The following ELAPOR1 variants were observed in gnomAD, a reference collection of about 807,000 sequenced individuals.
ELAPOR1 encodes endosome-lysosome associated apoptosis and autophagy regulator 1, also known as endosome/lysosome-associated apoptosis and autophagy regulator 1.
ELAPOR1 carries 77 observed loss-of-function variants against 119.7 expected under a neutral mutation model. That is an observed-to-expected ratio of 0.64 (90% CI 0.54 to 0.78). The LOEUF is 0.78. Ranked by LOEUF, ELAPOR1 falls within the 30% of genes least tolerant of loss-of-function variation. The pLI is 0.00. For synonymous variants in ELAPOR1, 481 were observed against 487.2 expected, an observed-to-expected ratio of 0.99 and a Z score of 0.17; for missense variants, 1,115 against 1,270.4, an observed-to-expected ratio of 0.88 and a Z score of 1.86.
At chr1:109,146,472 G>A (rs1221848324) in intron 1 of ELAPOR1, among the ~76,000 whole-genome samples, 2 of 152,032 alleles carry the variant, frequency 1.3e-5, no homozygotes, top group Admixed American at 1.3e-4. Context: ...TACTTCTGCT[G>A]TACTTTGCCT....
At chr1:109,153,470 A>C (rs971822422) in intron 1 of ELAPOR1, among the ~76,000 whole-genome samples, 1 of 152,220 alleles carries the variant, frequency 6.6e-6, no homozygotes, top group African/African-American at 2.4e-5. Context: ...TTTGACCTAA[A>C]ATTAAATGGA....
intron 15 of ELAPOR1, among the ~76,000 whole-genome samples, chr1:109,196,704 G>A (rs529566727): frequency 6.8e-6 from 1 of 147,220 alleles, no homozygotes; most frequent in African/African-American, 2.5e-5. Context: ...TTTTTTTTGA[G>A]GTGGAGTCTC....
intron 15 of ELAPOR1, among the ~76,000 whole-genome samples, chr1:109,195,799 C>G (rs1653760195): frequency 6.6e-6 from 1 of 152,200 alleles, no homozygotes; most frequent in Non-Finnish European, 1.5e-5. Flanking sequence ...AAAGGTTAAT[C>G]CCACCACTGC....
intron 5 of ELAPOR1, 92 bp downstream of exon 5, chr1:109,172,660 C>A: frequency 1.2e-6 from 1 of 862,596 alleles, no homozygotes; most frequent in Non-Finnish European, 1.9e-6. Context: ...TGAGCCTCCA[C>A]CCCAATGTCC....
chr1:109,138,790 C>T (rs955723626), intron 1 of ELAPOR1, among the ~76,000 whole-genome samples: 7 of 141,100 alleles, frequency 5.0e-5, no homozygotes, highest in Non-Finnish European at 7.5e-5. Flanking sequence ...GCCGAGATCA[C>T]GCCATTGCAC....
At position 109,192,793 on chromosome 1, in the gene ELAPOR1, C is replaced by G; in HGVS notation, c.1866C>G (p.Pro622=). The change falls in exon 14 of 22, where the codon CCC becomes CCG. Residue 622 remains proline, a synonymous_variant. Coordinates refer to ENST00000369939, the MANE Select transcript of ELAPOR1 (RefSeq NM_020775.5). ...ATTCAGGAACCTGCCACTCCTGCCC[C>G]ACTAACACAATTCTGAAAGCCCACC... is the stretch of plus-strand genomic sequence containing the variant. ...DRDSGTCHSC[P]TNTILKAHQP... is the part of the protein sequence containing the mutation. 6.2e-7 allele frequency: 1 copy of G among 1,614,048 alleles called. No homozygotes were observed. The highest frequency in any genetic ancestry group is 8.5e-7 in the Non-Finnish European group (1 of 1,179,994).
intron 1 of ELAPOR1, among the ~76,000 whole-genome samples, chr1:109,149,841 AG>A (rs1650420551): frequency 6.6e-6 from 1 of 152,136 alleles, no homozygotes; most frequent in African/African-American, 2.4e-5. Context: ...GATCGTTGAG[AG>A]GGGGGAGCCA....
chr1:109,188,001 G>T (rs1653161747), intron 8 of ELAPOR1, 176 bp from the exon 9 acceptor site: 1 of 1,368,242 alleles, frequency 7.3e-7, no homozygotes, highest in East Asian at 2.6e-5. Flanking sequence ...CATGACTCAG[G>T]CACTGGGCTA....
At chr1:109,189,970 GA>G (rs916859211) in intron 11 of ELAPOR1, among the ~76,000 whole-genome samples, 3 of 151,516 alleles carry the variant, frequency 2.0e-5, no homozygotes, top group East Asian at 1.9e-4. Context: ...CTTAAGATTA[GA>G]AAAAAAATAA....
chr1:109,198,129 T>A, intron 17 of ELAPOR1, 54 bp downstream of exon 17: 1 of 1,374,306 alleles, frequency 7.3e-7, no homozygotes, highest in East Asian at 2.3e-5. Context: ...CCTCCATAAT[T>A]TCTGCTGCAT....
At chr1:109,137,519 A>ATTTAT (rs537238997) in intron 1 of ELAPOR1, among the ~76,000 whole-genome samples, 1,451 of 135,692 alleles carry the variant, frequency 0.011, 10 homozygotes, top group Middle Eastern at 0.023. Context: ...TTATTTATTT[A>ATTTAT]TTTATTTTAT....
intron 3 of ELAPOR1, among the ~76,000 whole-genome samples, 174 bp from the exon 4 acceptor site, chr1:109,171,692 T>C (rs920113379): frequency 3.3e-5 from 5 of 152,226 alleles, no homozygotes; most frequent in Non-Finnish European, 7.3e-5. Context: ...GTCCTTGACC[T>C]ACCTGAGAGC....
intron 1 of ELAPOR1, among the ~76,000 whole-genome samples, chr1:109,146,462 T>C (rs528136824): frequency 2.0e-5 from 3 of 152,326 alleles, no homozygotes; most frequent in African/African-American, 7.2e-5. Flanking sequence ...CACTTAGTGT[T>C]ACTTCTGCTG....
chr1:109,164,739 G>GGGT, intron 3 of ELAPOR1, 48 bp downstream of exon 3: 1 of 1,546,480 alleles, frequency 6.5e-7, no homozygotes, highest in South Asian at 1.2e-5. Flanking sequence ...CTGGGTAAGG[G>GGGT]GCTACAGGGC....
At chr1:109,201,622 T>C (rs1376449930) in intron 21 of ELAPOR1, among the ~76,000 whole-genome samples, 1 of 151,808 alleles carries the variant, frequency 6.6e-6, no homozygotes, top group East Asian at 1.9e-4. Context: ...TATTGGGAGG[T>C]GGTGAAGAAA....
chr1:109,147,417 A>T (rs1424721881), intron 1 of ELAPOR1, among the ~76,000 whole-genome samples: 1 of 152,204 alleles, frequency 6.6e-6, no homozygotes, highest in Non-Finnish European at 1.5e-5. Flanking sequence ...CAGCAGAAGG[A>T]TCATTGATTG....
intron 21 of ELAPOR1, chr1:109,201,372 C>T (rs1184898777): frequency 2.2e-6 from 1 of 456,144 alleles, no homozygotes; most frequent in Admixed American, 2.3e-5. Flanking sequence ...TCAGCTGTTC[C>T]CCACTGAGCA....
chr1:109,199,188 A>G (rs1484802406), intron 18 of ELAPOR1, among the ~76,000 whole-genome samples: 2 of 152,308 alleles, frequency 1.3e-5, no homozygotes, highest in East Asian at 3.9e-4. Flanking sequence ...TCTGAGGTTA[A>G]TAGCTGAGTG....
intron 7 of ELAPOR1, among the ~76,000 whole-genome samples, chr1:109,180,616 A>G (rs1333495682): frequency 6.6e-6 from 1 of 152,224 alleles, no homozygotes; most frequent in Non-Finnish European, 1.5e-5. Context: ...TATAGTAAGC[A>G]GTAATTTTAT....
Sources: allele counts gnomAD v4.1 joint callset (sites outside exome capture counted in the v4.1 genomes callset), GRCh38; gene constraint gnomAD v4.1.1; transcripts MANE v1.5; gene names NCBI Gene and HGNC (gene_info 2026-07-23, HGNC 2026-07-21).